MARCO: variants seen among roughly 807,000 people sequenced by gnomAD.
MARCO encodes the protein macrophage receptor with collagenous structure, also known as macrophage receptor MARCO.
MARCO carries 72 observed loss-of-function variants against 70.0 expected under a neutral mutation model. The observed-to-expected ratio is 1.03, with a 90% confidence interval of 0.85 to 1.25. The LOEUF is 1.25. MARCO is among the 50% of genes most tolerant of loss of function. The pLI is 0.00. For synonymous variants in MARCO, 273 were observed against 243.1 expected (o/e 1.12, Z -1.14); for missense variants, 696 against 659.3 (o/e 1.06, Z -0.61).
rs772908466 is a variant in MARCO at position 118,986,672 on chromosome 2, G to GGAAAAAAA, written c.1064-3913_1064-3912insAAAAGAAA. Reference sequence around the variant, plus strand: ...AAGAAAGAAGGAAGGAAGGAAGGAAGGAAAGAAAGAAAGAAAGAAAGAAAG... The same window carrying GGAAAAAAA: ...AAGAAAGAAGGAAGGAAGGAAGGAAGGAAAAAAAGAAAGAAAGAAAGAAAGAAAGAAAG... On this transcript the variant is annotated intron_variant, in intron 12 of 16. Coordinates refer to ENST00000327097, the MANE Select transcript of MARCO (RefSeq NM_006770.4). Among the ~76,000 whole-genome samples the GGAAAAAAA allele has an allele frequency of 3.1e-3, 150 of 48,700 alleles. 33 individuals are homozygous for GGAAAAAAA. Among genetic ancestry groups the GGAAAAAAA allele is most frequent in the African/African-American group, 0.02 (149 of 7,466 alleles). 31.9% of individuals were successfully genotyped at this position (48,700 alleles called of 152,430 possible).
At chr2:118,987,902 G>A (rs569645389) in intron 12 of MARCO, among the ~76,000 whole-genome samples, 12 of 152,324 alleles carry the variant, frequency 7.9e-5, no homozygotes, top group East Asian at 7.7e-4. Context: ...AACCAAGTGC[G>A]TAGACCAAGT....
intron 13 of MARCO, among the ~76,000 whole-genome samples, chr2:118,991,519 T>C (rs1051871918): frequency 2.6e-5 from 4 of 152,202 alleles, no homozygotes; most frequent in African/African-American, 9.6e-5. Flanking sequence ...CACATAACTA[T>C]GTAATTCCAG....
intron 6 of MARCO, 140 bp from the exon 7 acceptor site, chr2:118,977,331 A>AGT: frequency 1.5e-6 from 1 of 676,704 alleles, no homozygotes; most frequent in Non-Finnish European, 2.6e-6. Flanking sequence ...AGAGAGAGAG[A>AGT]GAGAGTGAGA....
At chr2:118,942,810 T>C (rs1422841689) in intron 1 of MARCO, among the ~76,000 whole-genome samples, 3 of 152,218 alleles carry the variant, frequency 2.0e-5, no homozygotes, top group African/African-American at 7.2e-5. Flanking sequence ...CACAGCTTCT[T>C]TAAAATTCTT....
chr2:118,994,146 A>T (rs897544532), intron 16 of MARCO, among the ~76,000 whole-genome samples: 3 of 152,140 alleles, frequency 2.0e-5, no homozygotes, highest in African/African-American at 7.2e-5. Flanking sequence ...TTTGCATGAG[A>T]CTTTTGTCAA....
chr2:118,962,666 G>A (rs1679971097), intron 1 of MARCO, among the ~76,000 whole-genome samples: 1 of 152,056 alleles, frequency 6.6e-6, no homozygotes, highest in South Asian at 2.1e-4. Flanking sequence ...TTTTCTGTAA[G>A]AGATTGTGTA....
chr2:118,991,929 T>G, intron 14 of MARCO, 54 bp downstream of exon 14: 1 of 1,241,310 alleles, frequency 8.1e-7, no homozygotes, highest in Non-Finnish European at 1.1e-6. Flanking sequence ...TTACAGCCAG[T>G]TCTGTACCTT....
In MARCO at chr2:118,977,872, G is replaced by T; in HGVS notation, c.703G>T (p.Gly235Cys). 6.2e-7 allele frequency: 1 copy of T among 1,613,044 alleles called. No homozygotes were observed. Among genetic ancestry groups the T allele is most frequent in the Non-Finnish European group, 8.5e-7 (1 of 1,179,622 alleles). The change falls in exon 8 of 17, where the codon GGT becomes TGT. Residue 235 changes from glycine (G) to cysteine (C), a missense_variant. Around this residue, in one of 3 missense-constraint regions of MARCO, gnomAD observed 605 missense variants for 537.6 expected, o/e 1.13. Coordinates refer to ENST00000327097, the MANE Select transcript of MARCO (RefSeq NM_006770.4). ...AGAGAAGGGCAGCAAAGGCGATGGGGGTCTCATTGGCCCAAAAGGGGAAAC... is the reference window on the plus strand; with the variant it reads ...AGAGAAGGGCAGCAAAGGCGATGGGTGTCTCATTGGCCCAAAAGGGGAAAC... Reference protein sequence around the residue: ...QGEKGSKGDGGLIGPKGETGT... With the variant: ...QGEKGSKGDGCLIGPKGETGT...
chr2:118,942,424 A>T (rs369696624), intron 1 of MARCO, 27 bp downstream of exon 1: 54 of 1,496,616 alleles, frequency 3.6e-5, no homozygotes, highest in African/African-American at 1.4e-5. Flanking sequence ...CAATAATGGA[A>T]ATGACCAGAA....
At chr2:118,971,629 A>T in intron 4 of MARCO, 95 bp downstream of exon 4, 1 of 1,186,498 alleles carries the variant, frequency 8.4e-7, no homozygotes, top group East Asian at 2.5e-5. Flanking sequence ...TGGACAGCTG[A>T]CCCTAGCTTA....
At chr2:118,993,752 T>C (rs11685286) in intron 16 of MARCO, among the ~76,000 whole-genome samples, 20,071 of 152,122 alleles carry the variant, frequency 0.13, 1,648 homozygotes, top group South Asian at 0.23. Context: ...AAAGAGAAGA[T>C]GGGAAGGGAA....
rs536689917 is a variant in MARCO, at chr2:118,987,909, A to C, written c.1064-2680A>C. On this transcript the variant is annotated intron_variant, in intron 12 of 16. Coordinates refer to ENST00000327097, the MANE Select transcript of MARCO (RefSeq NM_006770.4). ...GTCTTGGGAACCAAGTGCGTAGACC[A>C]AGTGAAACTCCAGATAGGAGTGAGC... Among the ~76,000 whole-genome samples the C allele has an allele frequency of 3.3e-5, 5 of 152,348 alleles. No homozygotes were observed. In the South Asian group the frequency reaches 1.0e-3, roughly 32 times the overall value.
chr2:118,993,917 C>T (rs1680672090), intron 16 of MARCO, among the ~76,000 whole-genome samples: 1 of 152,172 alleles, frequency 6.6e-6, no homozygotes, highest in Admixed American at 6.5e-5. Context: ...TAGGATCTGG[C>T]CCAGCAGGAC....
chr2:118,982,510 G>T (rs985126983), intron 12 of MARCO, 100 bp downstream of exon 12: 2 of 1,157,904 alleles, frequency 1.7e-6, no homozygotes. Flanking sequence ...GAGGCAGAGG[G>T]TCTTCTGTGC....
intron 1 of MARCO, among the ~76,000 whole-genome samples, chr2:118,948,871 A>G (rs1470231076): frequency 2.6e-5 from 4 of 152,216 alleles, no homozygotes; most frequent in Non-Finnish European, 5.9e-5. Context: ...CAATTGAACT[A>G]GAGCAAAAGT....
chr2:118,958,354 C>A (rs1178021623), intron 1 of MARCO, among the ~76,000 whole-genome samples: 1 of 150,938 alleles, frequency 6.6e-6, no homozygotes, highest in Non-Finnish European at 1.5e-5. Flanking sequence ...CTTACACCAA[C>A]AGTGACCAAT....
At chr2:118,982,005 T>C in intron 10 of MARCO, 151 bp from the exon 11 acceptor site, 1 of 602,886 alleles carries the variant, frequency 1.7e-6, no homozygotes, top group Non-Finnish European at 2.9e-6. Flanking sequence ...GGCTAGCTCA[T>C]GGCTTCTAAA....
In MARCO at chr2:118,986,672, GGAAAGAAAGAAAGAAAGAAA is replaced by G. The variant is rs70949954; in HGVS notation, c.1064-3884_1064-3865del. ...AAGAAAGAAGGAAGGAAGGAAGGAA[GGAAAGAAAGAAAGAAAGAAA>G]GAAAGAAAGAAAGAAAGAAAGAAAG... is the stretch of plus-strand genomic sequence containing the variant. On this transcript the variant is annotated intron_variant, in intron 12 of 16. Transcript: ENST00000327097. Among the ~76,000 whole-genome samples the G allele has an allele frequency of 1.1e-3, 55 of 48,674 alleles. 2 individuals carry two copies. Among genetic ancestry groups the G allele is most frequent in the East Asian group, 3.6e-3 (4 of 1,110 alleles). 31.9% of individuals were successfully genotyped at this position (48,674 alleles called of 152,430 possible). A position where few individuals can be genotyped will look rare whatever the true frequency, so the allele number is the denominator to read the frequency against.
chr2:118,971,443 G>A, intron 3 of MARCO, 56 bp from the exon 4 acceptor site: 1 of 1,582,006 alleles, frequency 6.3e-7, no homozygotes, highest in South Asian at 1.1e-5. Context: ...CTCAGTTGGG[G>A]CTTGGGCCAA....
Sources: allele counts gnomAD v4.1 joint callset (sites outside exome capture counted in the v4.1 genomes callset), GRCh38; gene constraint gnomAD v4.1.1; regional missense constraint gnomAD v4.1.1; transcripts MANE v1.5; gene names NCBI Gene and HGNC (gene_info 2026-07-23, HGNC 2026-07-21).